Variants in ATP9A observed in about 807,000 individuals in gnomAD.
The protein encoded by ATP9A is probable phospholipid-transporting ATPase IIA.
A neutral mutation model predicts 144.1 loss-of-function variants in ATP9A; 52 were observed. The ratio of observed to expected loss-of-function variants is 0.36; its 90% CI spans 0.29 to 0.45. ATP9A has a LOEUF of 0.45. Among genes scored for constraint, ATP9A ranks in the 20% least tolerant of loss-of-function variants. The probability of loss-of-function intolerance (pLI) is 1.00; values close to 1 mark genes in which losing one functional copy is unlikely to be tolerated. For missense variants in ATP9A, 947 were observed against 1,392.7 expected, an observed-to-expected ratio of 0.68 and a Z score of 5.09; for synonymous variants, 582 against 557.4, an observed-to-expected ratio of 1.04 and a Z score of -0.62.
intron 8 of ATP9A, among the ~76,000 whole-genome samples, chr20:51,690,047 G>T (rs1179706986): frequency 7.0e-6 from 1 of 142,598 alleles, no homozygotes; most frequent in African/African-American, 2.6e-5. Flanking sequence ...GGGAGGCAGA[G>T]GTTCCAATGA....
intron 1 of ATP9A, among the ~76,000 whole-genome samples, chr20:51,767,601 G>T (rs1226183696): frequency 6.6e-6 from 1 of 152,208 alleles, no homozygotes; most frequent in East Asian, 1.9e-4. Flanking sequence ...CCTACTGCGG[G>T]AAGGGCACAG....
At chr20:51,676,548 C>G (rs8120051) in intron 9 of ATP9A, among the ~76,000 whole-genome samples, 41,475 of 152,028 alleles carry the variant, frequency 0.27, 6,753 homozygotes, top group African/African-American at 0.45. Context: ...GCGTGATCTC[C>G]GCTTACTGCA....
intron 3 of ATP9A, among the ~76,000 whole-genome samples, chr20:51,722,961 C>T (rs2077695997): frequency 6.6e-6 from 1 of 152,188 alleles, no homozygotes; most frequent in South Asian, 2.1e-4. Flanking sequence ...CAGACGCCCG[C>T]CACCATGCCC....
intron 1 of ATP9A, among the ~76,000 whole-genome samples, chr20:51,762,901 G>T (rs903970705): frequency 1.3e-5 from 2 of 151,452 alleles, no homozygotes; most frequent in African/African-American, 4.9e-5. Flanking sequence ...TTTATTTTTT[G>T]TAGAGACAGG....
chr20:51,732,198 T>C (rs182283330), intron 1 of ATP9A, among the ~76,000 whole-genome samples: 1 of 152,224 alleles, frequency 6.6e-6, no homozygotes, highest in African/African-American at 2.4e-5. Context: ...CAGCTTGTCC[T>C]TCAGGAGAGC....
At chr20:51,644,327 C>T (rs1269657845) in intron 14 of ATP9A, among the ~76,000 whole-genome samples, 1 of 126,538 alleles carries the variant, frequency 7.9e-6, no homozygotes, top group African/African-American at 3.1e-5. Flanking sequence ...GGTTGGAGTG[C>T]AGTGGCGCGA....
intron 10 of ATP9A, 42 bp from the exon 11 acceptor site, chr20:51,674,355 G>T (rs749810916): frequency 1.9e-6 from 3 of 1,600,386 alleles, no homozygotes; most frequent in East Asian, 4.5e-5. Flanking sequence ...ATGAGCTGGT[G>T]TAACTAATCT....
chr20:51,753,127 A>G (rs1219962497), intron 1 of ATP9A, among the ~76,000 whole-genome samples: 3 of 152,060 alleles, frequency 2.0e-5, no homozygotes, highest in African/African-American at 7.2e-5. Flanking sequence ...AGAAAGAAAG[A>G]AAAGAAAAAG....
Position 51,623,340 on chromosome 20 carries a change from T to C in ATP9A, c.2017-1168A>G, listed in dbSNP as rs73910751. Among the ~76,000 whole-genome samples the C allele has an allele frequency of 3.3e-3, 509 of 152,270 alleles. 4 individuals are homozygous for C. The highest frequency in any genetic ancestry group is 0.011 in the African/African-American group (471 of 41,556). On this transcript the variant is annotated intron_variant, in intron 18 of 27. Transcript: ENST00000338821. ...GGTGCACGACATGGCTAATGTCCCA[T>C]GCTGTGATGAAGGCAAGGTACTACA...
chr20:51,613,859 T>A (rs745739665), intron 22 of ATP9A, 27 bp from the exon 23 acceptor site: 1 of 1,596,950 alleles, frequency 6.3e-7, no homozygotes, highest in South Asian at 1.1e-5. Context: ...TTAGGCACCA[T>A]CAGAAGCACA....
At position 51,611,986 on chromosome 20, in the gene ATP9A, G is replaced by A. The variant is rs540987788; in HGVS notation, c.2571+1691C>T. ...CCTGATACATTGTACAAGGCAGACC[G>A]CCTTTCAAGTATGATTAAACATTCT... On this transcript the variant is annotated intron_variant, in intron 23 of 27. Transcript: ENST00000338821. The surrounding 1 kb of genome is among the most constrained non-coding windows in gnomAD (Gnocchi z 4.2). Among the ~76,000 whole-genome samples, 7 of 152,306 alleles carry A rather than the reference G, an allele frequency of 4.6e-5. No individual in the cohort carries two copies. The highest frequency in any genetic ancestry group is 2.1e-4 in the South Asian group (1 of 4,826).
In ATP9A at chr20:51,756,287, T is replaced by C. The variant is rs200490946; in HGVS notation, c.68+12015A>G. Among the ~76,000 whole-genome samples the C allele has an allele frequency of 2.5e-3, 373 of 151,460 alleles. 3 individuals are homozygous for C. Among genetic ancestry groups the C allele is most frequent in the Admixed American group, 5.9e-3 (90 of 15,170 alleles). On this transcript the variant is annotated intron_variant, in intron 1 of 27. Transcript: ENST00000338821. ...CTCTGGTGTCTCTGTCTTTTTTTTT[T>C]TTTCTTTCTTTCTTTCTTTTTGAGA...
At chr20:51,766,731 C>A (rs1376949868) in intron 1 of ATP9A, among the ~76,000 whole-genome samples, 1 of 152,074 alleles carries the variant, frequency 6.6e-6, no homozygotes, top group Non-Finnish European at 1.5e-5. Context: ...ATCCCAGCTA[C>A]TCGGGAGGTT....
At chr20:51,651,844 G>A (rs1206736891) in intron 14 of ATP9A, among the ~76,000 whole-genome samples, 1 of 152,066 alleles carries the variant, frequency 6.6e-6, no homozygotes, top group Admixed American at 6.6e-5. Flanking sequence ...CAGAAGAATG[G>A]TTTGAACCCG....
At chr20:51,728,198 C>G (rs16996213) in intron 2 of ATP9A, among the ~76,000 whole-genome samples, 10,283 of 152,170 alleles carry the variant, frequency 0.068, 795 homozygotes, top group African/African-American at 0.19. Flanking sequence ...AGGTGCCATA[C>G]CCAGGAAATG....
chr20:51,601,553 C>A (rs888244032), intron 27 of ATP9A, among the ~76,000 whole-genome samples: 1 of 152,206 alleles, frequency 6.6e-6, no homozygotes, highest in African/African-American at 2.4e-5. Context: ...TGATTTTCCT[C>A]GCTCTCTCTT....
At chr20:51,641,345 C>A (rs994000196) in intron 14 of ATP9A, among the ~76,000 whole-genome samples, 1 of 151,518 alleles carries the variant, frequency 6.6e-6, no homozygotes, top group Non-Finnish European at 1.5e-5. Context: ...GACAACAGAG[C>A]GAGACTGTAT....
At chr20:51,702,668 C>G (rs2077599027) in intron 4 of ATP9A, among the ~76,000 whole-genome samples, 1 of 152,022 alleles carries the variant, frequency 6.6e-6, no homozygotes, top group African/African-American at 2.4e-5. Flanking sequence ...GTGGTCAGAA[C>G]TGACTCCCAG....
At chr20:51,657,789 G>C (rs1273664743) in intron 13 of ATP9A, among the ~76,000 whole-genome samples, 1 of 152,198 alleles carries the variant, frequency 6.6e-6, no homozygotes, top group African/African-American at 2.4e-5. Flanking sequence ...AAGGCGTCAG[G>C]AACAGCCAGA....
Sources: gnomAD v4.1 joint callset for allele counts (sites outside exome capture counted in the v4.1 genomes callset) on GRCh38, gnomAD v4.1.1 for gene constraint, Gnocchi (gnomAD v3.1) non-coding constraint, MANE v1.5 for transcripts, NCBI Gene and HGNC (gene_info 2026-07-23, HGNC 2026-07-21) for gene names.